DNAH9: variants seen among roughly 807,000 people sequenced by gnomAD.
DNAH9 encodes dynein axonemal heavy chain 9.
A neutral mutation model predicts 471.6 loss-of-function variants in DNAH9; 345 were observed. That is an observed-to-expected ratio of 0.73 (90% CI 0.67 to 0.80). The LOEUF (loss-of-function observed/expected upper bound fraction) is 0.80. Among genes scored for constraint, DNAH9 ranks in the 30% least tolerant of loss-of-function variants. DNAH9 has a pLI of 0.00. For synonymous variants in DNAH9, 2,093 were observed against 2,123.6 expected (o/e 0.99, Z 0.40); for missense variants, 5,407 against 5,609.2 (o/e 0.96, Z 1.15).
chr17:11,660,319 C>CTTTTTTTTTTTTTTTTTTT (rs1208889792), intron 14 of DNAH9, among the ~76,000 whole-genome samples: 1 of 97,508 alleles, frequency 1.0e-5, no homozygotes, highest in Non-Finnish European at 2.0e-5. Context: ...TTAAATGTTT[C>CTTTTTTTTTTTTTTTTTTT]TTTTTTTTTT....
chr17:11,847,754 A>G (rs1038244857), intron 49 of DNAH9, among the ~76,000 whole-genome samples: 2 of 152,070 alleles, frequency 1.3e-5, no homozygotes, highest in African/African-American at 4.8e-5. Context: ...TGCCCTTCCC[A>G]ACTCTGTTCT....
intron 37 of DNAH9, 83 bp from the exon 38 acceptor site, chr17:11,769,039 T>C: frequency 7.0e-7 from 1 of 1,435,016 alleles, no homozygotes. Context: ...AATCCCCTGT[T>C]CTGAAATGCT....
intron 59 of DNAH9, among the ~76,000 whole-genome samples, chr17:11,900,049 A>G (rs572083611): frequency 6.6e-6 from 1 of 152,244 alleles, no homozygotes; most frequent in South Asian, 2.1e-4. Flanking sequence ...TTGTATCTAC[A>G]TAACAGTATG....
intron 42 of DNAH9, among the ~76,000 whole-genome samples, chr17:11,794,169 C>A (rs138442310): frequency 5.3e-5 from 8 of 151,368 alleles, no homozygotes; most frequent in Non-Finnish European, 2.9e-5. Flanking sequence ...CTCAGCCTCC[C>A]GAGTAGCTGG....
intron 60 of DNAH9, 95 bp from the exon 61 acceptor site, chr17:11,905,566 A>C: frequency 2.5e-4 from 277 of 1,089,008 alleles, no homozygotes; most frequent in Non-Finnish European, 3.4e-4. Context: ...GACCTTGAGC[A>C]TGTTCTTTCA....
chr17:11,936,686 C>T (rs1029965254), intron 65 of DNAH9, among the ~76,000 whole-genome samples: 8 of 152,092 alleles, frequency 5.3e-5, no homozygotes, highest in African/African-American at 1.7e-4. Context: ...GAGCCTTAGC[C>T]GCTGGTTAGG....
intron 28 of DNAH9, among the ~76,000 whole-genome samples, chr17:11,731,509 C>T (rs1239783441): frequency 6.6e-6 from 1 of 150,886 alleles, no homozygotes; most frequent in African/African-American, 2.4e-5. Flanking sequence ...ATTAACTCGT[C>T]ATTTACATTA....
At chr17:11,795,507 T>C (rs557552361) in intron 42 of DNAH9, among the ~76,000 whole-genome samples, 1 of 152,358 alleles carries the variant, frequency 6.6e-6, no homozygotes, top group East Asian at 1.9e-4. Flanking sequence ...TCCCAACCTA[T>C]GTGACAGCCT....
At chr17:11,698,320 ATAT>A (rs1252607172) in intron 22 of DNAH9, among the ~76,000 whole-genome samples, 1 of 140,354 alleles carries the variant, frequency 7.1e-6, no homozygotes, top group African/African-American at 2.6e-5. Context: ...GAAAATAATA[ATAT>A]ATTAATATTC....
At position 11,905,256 on chromosome 17, in the gene DNAH9, T is replaced by C. The variant is rs12601616; in HGVS notation, c.11601-405T>C. On this transcript the variant is annotated intron_variant, in intron 60 of 68. Transcript: ENST00000262442. Reference sequence around the variant, plus strand: ...TCAAAAAAAAAAAAAAGAGAGAGAATAGCGTACCGTAGGGCCTTAAATCTT... The same window carrying C: ...TCAAAAAAAAAAAAAAGAGAGAGAACAGCGTACCGTAGGGCCTTAAATCTT... Among the ~76,000 whole-genome samples, 2,371 of 149,624 alleles carry C rather than the reference T, an allele frequency of 0.016. 177 individuals carry two copies. The East Asian group carries it at 0.26, about 16-fold the overall frequency.
intron 49 of DNAH9, among the ~76,000 whole-genome samples, chr17:11,836,341 A>G (rs1970850507): frequency 6.6e-6 from 1 of 152,212 alleles, no homozygotes; most frequent in South Asian, 2.1e-4. Flanking sequence ...ATAGATGGTT[A>G]TAATAAAATT....
intron 7 of DNAH9, among the ~76,000 whole-genome samples, chr17:11,629,935 A>G (rs2073036193): frequency 6.6e-6 from 1 of 152,178 alleles, no homozygotes; most frequent in Non-Finnish European, 1.5e-5. Context: ...GAAAGAAGCT[A>G]GACCCAGAAA....
chr17:11,740,550 A>G (rs1269840872), intron 29 of DNAH9, among the ~76,000 whole-genome samples: 1 of 152,108 alleles, frequency 6.6e-6, no homozygotes, highest in Non-Finnish European at 1.5e-5. Context: ...TCCAAATACC[A>G]TCACATTGCA....
At position 11,962,907 on chromosome 17, in the gene DNAH9, C is replaced by A. The variant is rs188954950; in HGVS notation, c.13233+651C>A. ...CTTAAAGTGGCATTTTGAAAGGATT[C>A]CTTATCAAAGGCTAATAAAAACGTG... On this transcript the variant is annotated intron_variant, in intron 68 of 68. Coordinates refer to ENST00000262442, the MANE Select transcript of DNAH9 (RefSeq NM_001372.4). The surrounding 1 kb of genome is among the most constrained non-coding windows in gnomAD (Gnocchi z 4.1). Among the ~76,000 whole-genome samples the A allele has an allele frequency of 1.3e-5, 2 of 152,208 alleles. No individual in the cohort carries two copies. The highest frequency in any genetic ancestry group is 3.9e-4 in the East Asian group (2 of 5,170).
At chr17:11,620,785 TCTC>T (rs756623604) in intron 6 of DNAH9, among the ~76,000 whole-genome samples, 9 of 152,068 alleles carry the variant, frequency 5.9e-5, no homozygotes, top group Non-Finnish European at 1.3e-4. Context: ...GCTTTGAACT[TCTC>T]CTCCTCCACT....
chr17:11,682,358 C>A (rs932733030), intron 19 of DNAH9, among the ~76,000 whole-genome samples: 6 of 152,056 alleles, frequency 3.9e-5, no homozygotes, highest in African/African-American at 1.2e-4. Flanking sequence ...TTCAAGCAAT[C>A]CTCTCACCTC....
intron 43 of DNAH9, among the ~76,000 whole-genome samples, chr17:11,806,626 CAT>C (rs1321413360): frequency 1.1e-4 from 16 of 151,310 alleles, no homozygotes; most frequent in South Asian, 6.3e-4. Context: ...TTAAAATACA[CAT>C]AACAGAAATA....
Position 11,810,457 on chromosome 17 carries a change from A to G in DNAH9, c.8707+88A>G, listed in dbSNP as rs1969853716. 2.0e-6 allele frequency: 3 copies of G among 1,511,794 alleles called. No individual in the cohort carries two copies. The South Asian group carries it at 4.0e-5, about 20-fold the overall frequency. 93.6% of individuals were successfully genotyped at this position (1,511,794 alleles called of 1,614,324 possible). ...GGTGAAGATTTCGTCCAGGGTGGGA[A>G]GAGTAAGGTCATAGTAATGAGGAAG... On this transcript the variant is annotated intron_variant, in intron 45 of 68. Coordinates refer to ENST00000262442, the MANE Select transcript of DNAH9 (RefSeq NM_001372.4).
At chr17:11,920,011 A>G (rs1391315689) in intron 61 of DNAH9, among the ~76,000 whole-genome samples, 2 of 151,716 alleles carry the variant, frequency 1.3e-5, no homozygotes, top group Non-Finnish European at 2.9e-5. Flanking sequence ...TCGGCAGCAG[A>G]AATGAAATGG....
Sources: gnomAD v4.1 joint callset for allele counts (sites outside exome capture counted in the v4.1 genomes callset) on GRCh38, gnomAD v4.1.1 for gene constraint, Gnocchi (gnomAD v3.1) non-coding constraint, MANE v1.5 for transcripts, NCBI Gene and HGNC (gene_info 2026-07-23, HGNC 2026-07-21) for gene names.